Variants in CSMD1 observed in about 807,000 individuals in gnomAD.
CSMD1 encodes CUB and Sushi multiple domains 1.
CSMD1 carries 213 observed loss-of-function variants against 417.5 expected under a neutral mutation model. The observed-to-expected ratio is 0.51, with a 90% confidence interval of 0.46 to 0.57. The LOEUF is 0.57. CSMD1 is among the 20% of genes least tolerant of loss of function. The probability of loss-of-function intolerance (pLI) is 0.00; values close to 1 mark genes in which losing one functional copy is unlikely to be tolerated. For missense variants in CSMD1, 6,923 were observed against 4,529.7 expected, an observed-to-expected ratio of 1.53 and a Z score of -15.17; for synonymous variants, 2,862 against 1,736.8, an observed-to-expected ratio of 1.65 and a Z score of -16.11.
intron 2 of CSMD1, among the ~76,000 whole-genome samples, chr8:4,440,547 A>G (rs532314067): frequency 3.9e-5 from 6 of 152,296 alleles, no homozygotes; most frequent in Admixed American, 3.9e-4. Context: ...CATTGCTGAC[A>G]TGCATATCTA....
intron 2 of CSMD1, among the ~76,000 whole-genome samples, chr8:4,593,054 T>A (rs1335505783): frequency 1.3e-5 from 2 of 152,328 alleles, no homozygotes; most frequent in East Asian, 3.9e-4. Flanking sequence ...TGTAAATCAC[T>A]GGTGTCATCT....
At chr8:4,225,889 A>C (rs767909043) in intron 3 of CSMD1, among the ~76,000 whole-genome samples, 2 of 152,282 alleles carry the variant, frequency 1.3e-5, no homozygotes, top group Non-Finnish European at 2.9e-5. Context: ...TCTTCTATTA[A>C]GATTGTAATT....
chr8:3,521,806 G>A (rs570967928), intron 10 of CSMD1, among the ~76,000 whole-genome samples: 5 of 152,230 alleles, frequency 3.3e-5, no homozygotes, highest in Admixed American at 1.3e-4. Context: ...TGGATTCTCT[G>A]TATACACACC....
chr8:3,231,151 T>C (rs1585727548), intron 26 of CSMD1, among the ~76,000 whole-genome samples: 1 of 152,176 alleles, frequency 6.6e-6, no homozygotes, highest in African/African-American at 2.4e-5. Flanking sequence ...GCAGTTGTTT[T>C]CTCCAGTTTC....
chr8:3,498,737 C>T (rs1796469668), intron 10 of CSMD1, among the ~76,000 whole-genome samples: 1 of 152,064 alleles, frequency 6.6e-6, no homozygotes, highest in African/African-American at 2.4e-5. Context: ...ATCCTGTCTC[C>T]AGGTTCAGAA....
intron 5 of CSMD1, among the ~76,000 whole-genome samples, chr8:3,764,139 G>A (rs1216143032): frequency 1.3e-5 from 2 of 152,142 alleles, no homozygotes; most frequent in African/African-American, 4.8e-5. Flanking sequence ...CTCAGGGAGT[G>A]CACAGCACTC....
intron 46 of CSMD1, among the ~76,000 whole-genome samples, chr8:3,102,003 T>C (rs1815791397): frequency 6.6e-6 from 1 of 152,052 alleles, no homozygotes; most frequent in Admixed American, 6.6e-5. Context: ...CGTTTCACCA[T>C]GTTGGCCAGG....
chr8:3,697,220 G>C (rs998811926), intron 7 of CSMD1, among the ~76,000 whole-genome samples: 5 of 152,160 alleles, frequency 3.3e-5, no homozygotes, highest in South Asian at 2.1e-4. Context: ...TTTCTCTCCA[G>C]AAAATGGTAG....
chr8:3,361,228 A>G (rs2117721035), intron 20 of CSMD1, among the ~76,000 whole-genome samples: 3 of 152,334 alleles, frequency 2.0e-5, no homozygotes, highest in African/African-American at 7.2e-5. Context: ...AAGATGTCAC[A>G]ATTCAGATAA....
At chr8:3,885,549 G>C (rs981144989) in intron 5 of CSMD1, among the ~76,000 whole-genome samples, 1 of 152,140 alleles carries the variant, frequency 6.6e-6, no homozygotes, top group African/African-American at 2.4e-5. Context: ...AAAAAGAACT[G>C]TTGCTCCACC....
At chr8:4,408,683 C>A (rs1442097839) in intron 3 of CSMD1, among the ~76,000 whole-genome samples, 2 of 152,066 alleles carry the variant, frequency 1.3e-5, no homozygotes, top group African/African-American at 2.4e-5. Flanking sequence ...TTTCTTGAAA[C>A]CAAGAATAAG....
At chr8:4,969,941 T>C (rs536518101) in intron 1 of CSMD1, among the ~76,000 whole-genome samples, 1 of 152,122 alleles carries the variant, frequency 6.6e-6, no homozygotes, top group South Asian at 2.1e-4. Context: ...TAAAACTGGA[T>C]GCAAACATGA....
intron 12 of CSMD1, among the ~76,000 whole-genome samples, chr8:3,464,965 ACTCT>A (rs199777762): frequency 6.6e-6 from 1 of 151,256 alleles, no homozygotes; most frequent in Non-Finnish European, 1.5e-5. Flanking sequence ...ATCAATTCAC[ACTCT>A]CTCTCTCTCG....
intron 37 of CSMD1, among the ~76,000 whole-genome samples, chr8:3,169,811 C>T (rs1820467378): frequency 6.6e-6 from 1 of 152,138 alleles, no homozygotes; most frequent in Admixed American, 6.5e-5. Flanking sequence ...CCAAGTACCC[C>T]CCACTTTCTT....
chr8:4,592,910 A>T (rs1011074030), intron 2 of CSMD1, among the ~76,000 whole-genome samples: 2 of 152,112 alleles, frequency 1.3e-5, no homozygotes, highest in African/African-American at 2.4e-5. Flanking sequence ...ATTTATTTAG[A>T]AGTTTCGAAT....
intron 5 of CSMD1, among the ~76,000 whole-genome samples, chr8:3,949,507 T>C (rs183291704): frequency 7.9e-5 from 12 of 152,258 alleles, no homozygotes; most frequent in Admixed American, 5.2e-4. Flanking sequence ...TATTACACTG[T>C]CAGGAGCAAA....
intron 3 of CSMD1, among the ~76,000 whole-genome samples, chr8:4,245,466 A>T (rs1465048177): frequency 6.6e-6 from 1 of 152,120 alleles, no homozygotes; most frequent in African/African-American, 2.4e-5. Flanking sequence ...GAGACACCCA[A>T]CTCAGCAAAC....
At chr8:4,276,685 C>A (rs111747727) in intron 3 of CSMD1, among the ~76,000 whole-genome samples, 2,811 of 152,200 alleles carry the variant, frequency 0.018, 47 homozygotes, top group Non-Finnish European at 0.028. Context: ...ATTCAGGAAA[C>A]GAAGTCTTTA....
chr8:3,728,188 G>A (rs1324210916), intron 6 of CSMD1, among the ~76,000 whole-genome samples: 1 of 152,168 alleles, frequency 6.6e-6, no homozygotes, highest in East Asian at 1.9e-4. Flanking sequence ...CTGTTCTCAT[G>A]GTAGTGAATA....
Sources: allele counts gnomAD v4.1 joint callset (sites outside exome capture counted in the v4.1 genomes callset), GRCh38; gene constraint gnomAD v4.1.1; transcripts MANE v1.5; gene names NCBI Gene and HGNC (gene_info 2026-07-23, HGNC 2026-07-21).